PPM1L: variants seen among roughly 807,000 people sequenced by gnomAD.
PPM1L encodes protein phosphatase, Mg2+/Mn2+ dependent 1L, also known as protein phosphatase 1L.
In PPM1L, 13 loss-of-function variants were observed where a neutral mutation model predicts 31.4. The observed-to-expected ratio is 0.41, with a 90% confidence interval of 0.27 to 0.66. The LOEUF (loss-of-function observed/expected upper bound fraction) is 0.66, where lower values mean the gene tolerates loss of function less well. PPM1L is among the 30% of genes least tolerant of loss of function. The pLI is 0.29. For synonymous variants in PPM1L, 184 were observed against 175.4 expected, an observed-to-expected ratio of 1.05 and a Z score of -0.39; for missense variants, 326 against 453.7, an observed-to-expected ratio of 0.72 and a Z score of 2.56.
intron 1 of PPM1L, among the ~76,000 whole-genome samples, chr3:160,839,072 C>G (rs887564485): frequency 6.6e-6 from 1 of 152,196 alleles, no homozygotes; most frequent in African/African-American, 2.4e-5. Context: ...GCCCTCTGCT[C>G]TGTTATGACA....
chr3:160,805,434 A>G (rs773657957), intron 1 of PPM1L, among the ~76,000 whole-genome samples: 4 of 152,204 alleles, frequency 2.6e-5, no homozygotes, highest in African/African-American at 4.8e-5. Flanking sequence ...TTAAAAATGT[A>G]CTTGAGGCCG....
intron 1 of PPM1L, among the ~76,000 whole-genome samples, chr3:160,800,938 G>A (rs1712406041): frequency 6.6e-6 from 1 of 152,112 alleles, no homozygotes; most frequent in African/African-American, 2.4e-5. Context: ...CAGTTCACAT[G>A]TTCTGTGGTT....
intron 2 of PPM1L, among the ~76,000 whole-genome samples, chr3:161,010,082 C>A (rs114916539): frequency 6.6e-6 from 1 of 152,074 alleles, no homozygotes; most frequent in Non-Finnish European, 1.5e-5. Flanking sequence ...TATACATGCA[C>A]CATGTGGGTG....
At chr3:160,928,682 C>T (rs1559890961) in intron 1 of PPM1L, among the ~76,000 whole-genome samples, 1 of 152,092 alleles carries the variant, frequency 6.6e-6, no homozygotes, top group Non-Finnish European at 1.5e-5. Context: ...CAGGGCAGAG[C>T]CCTCAAGAAT....
intron 1 of PPM1L, among the ~76,000 whole-genome samples, chr3:160,904,065 G>C (rs1278818331): frequency 6.6e-6 from 1 of 152,130 alleles, no homozygotes; most frequent in African/African-American, 2.4e-5. Flanking sequence ...ATTGGTTGAT[G>C]TCAAGCAGGG....
At chr3:160,897,168 G>A (rs1295708617) in intron 1 of PPM1L, among the ~76,000 whole-genome samples, 7 of 150,126 alleles carry the variant, frequency 4.7e-5, no homozygotes, top group Non-Finnish European at 1.0e-4. Flanking sequence ...TCAGCCTCCC[G>A]AGCAGCCAGG....
intron 1 of PPM1L, among the ~76,000 whole-genome samples, chr3:160,915,700 C>T (rs946793328): frequency 1.3e-5 from 2 of 152,066 alleles, no homozygotes; most frequent in Admixed American, 1.3e-4. Flanking sequence ...GGTACTGGTA[C>T]CAAAACAGAG....
intron 1 of PPM1L, among the ~76,000 whole-genome samples, chr3:160,860,394 C>T (rs572128693): frequency 6.6e-6 from 1 of 152,232 alleles, no homozygotes; most frequent in East Asian, 1.9e-4. Context: ...ATGAAGAAGG[C>T]AACTGAATGT....
chr3:160,807,281 C>T (rs1479785406), intron 1 of PPM1L, among the ~76,000 whole-genome samples: 1 of 152,146 alleles, frequency 6.6e-6, no homozygotes, highest in Non-Finnish European at 1.5e-5. Flanking sequence ...TGAATCAGTT[C>T]CTCCCATAAC....
At chr3:161,025,145 T>G (rs1273972750) in intron 2 of PPM1L, among the ~76,000 whole-genome samples, 2 of 152,216 alleles carry the variant, frequency 1.3e-5, no homozygotes, top group African/African-American at 4.8e-5. Context: ...ATAGGTGCTA[T>G]GGTTTGAATG....
chr3:161,048,542 A>G (rs1474347959), intron 2 of PPM1L, among the ~76,000 whole-genome samples: 1 of 152,190 alleles, frequency 6.6e-6, no homozygotes, highest in African/African-American at 2.4e-5. Context: ...AGGATCTAGA[A>G]CTAGAAATAC....
At chr3:160,896,439 T>G (rs944313170) in intron 1 of PPM1L, among the ~76,000 whole-genome samples, 1 of 152,162 alleles carries the variant, frequency 6.6e-6, no homozygotes, top group Non-Finnish European at 1.5e-5. Context: ...GTTAAGGACC[T>G]GGGCAAATAA....
intron 1 of PPM1L, among the ~76,000 whole-genome samples, chr3:160,900,795 C>T (rs1052290274): frequency 1.4e-4 from 21 of 152,042 alleles, no homozygotes; most frequent in African/African-American, 4.8e-4. Flanking sequence ...CTCATTTCAT[C>T]GCAGTATTTC....
intron 1 of PPM1L, among the ~76,000 whole-genome samples, chr3:160,887,573 C>CTTTTTTTT (rs58869949): frequency 2.8e-5 from 4 of 142,622 alleles, no homozygotes; most frequent in African/African-American, 5.2e-5. Flanking sequence ...TAATATTCAA[C>CTTTTTTTT]TTTTTTTTTT....
At chr3:160,889,522 C>CA (rs375671324) in intron 1 of PPM1L, among the ~76,000 whole-genome samples, 2 of 151,938 alleles carry the variant, frequency 1.3e-5, no homozygotes, top group Non-Finnish European at 2.9e-5. Context: ...GCCTACCAAC[C>CA]AAAAAAAGCC....
chr3:160,814,345 C>T (rs1199294093), intron 1 of PPM1L, among the ~76,000 whole-genome samples: 4 of 151,970 alleles, frequency 2.6e-5, no homozygotes, highest in Non-Finnish European at 4.4e-5. Context: ...TTCAAAGTGA[C>T]GGACTTGTCG....
At chr3:160,938,164 AT>A (rs1271746314) in intron 1 of PPM1L, among the ~76,000 whole-genome samples, 1 of 152,174 alleles carries the variant, frequency 6.6e-6, no homozygotes, top group African/African-American at 2.4e-5. Flanking sequence ...AATTGCTATT[AT>A]TTAATAAATA....
chr3:160,876,374 C>T (rs1476773990), intron 1 of PPM1L, among the ~76,000 whole-genome samples: 2 of 152,198 alleles, frequency 1.3e-5, no homozygotes, highest in Non-Finnish European at 2.9e-5. Flanking sequence ...GCAAACTGTG[C>T]TGCTGTAGAG....
At chr3:160,860,517 G>A (rs983262135) in intron 1 of PPM1L, among the ~76,000 whole-genome samples, 1 of 152,148 alleles carries the variant, frequency 6.6e-6, no homozygotes, top group African/African-American at 2.4e-5. Flanking sequence ...AGGGACCCAC[G>A]ATGAAGTAAT....
Sources: gnomAD v4.1 joint callset for allele counts (sites outside exome capture counted in the v4.1 genomes callset) on GRCh38, gnomAD v4.1.1 for gene constraint, MANE v1.5 for transcripts, NCBI Gene and HGNC (gene_info 2026-07-23, HGNC 2026-07-21) for gene names.